Variants in FAT1 observed in about 807,000 individuals in gnomAD.
FAT1 encodes FAT atypical cadherin 1.
In FAT1, 171 loss-of-function variants were observed where a neutral mutation model predicts 329.8. That is an observed-to-expected ratio of 0.52 (90% confidence interval 0.46 to 0.59). FAT1 has a LOEUF of 0.59. FAT1 is among the 20% of genes least tolerant of loss of function. The probability of loss-of-function intolerance (pLI) is 0.00; values close to 1 mark genes in which losing one functional copy is unlikely to be tolerated. For synonymous variants in FAT1, 2,233 were observed against 2,228.6 expected (o/e 1.00, Z -0.06); for missense variants, 5,672 against 5,774.4 (o/e 0.98, Z 0.57).
At position 186,588,946 on chromosome 4, in the gene FAT1, C is replaced by G. The variant is rs534337020; in HGVS notation, c.13413G>C (p.Ala4471=). 16 of 1,613,942 alleles carry G rather than the reference C, an allele frequency of 9.9e-6. No individual in the cohort carries two copies. The highest frequency in any genetic ancestry group is 1.3e-5 in the Non-Finnish European group (15 of 1,179,878). Residue 4471 remains alanine, a synonymous_variant, in exon 27 of 27, where the codon GCG becomes GCC. Transcript: ENST00000441802. ...SIHPPRDMPA[A]GSLGSSSRNR... ...TTCTTGATGAAGAACCCAAGCTACC[C>G]GCGGCAGGCATGTCTCTAGGAGGGT... is the stretch of plus-strand genomic sequence containing the variant.
rs1453962568 is a variant in FAT1, at chr4:186,600,030, T to C, written c.11971A>G (p.Ser3991Gly). 6.2e-7 allele frequency: 1 copy of C among 1,613,900 alleles called. No homozygotes were observed. The highest frequency in any genetic ancestry group is 1.7e-5 in the Admixed American group (1 of 60,008). Reference sequence around the variant, plus strand: ...ATGTGTGCATAGCTTCTGGGTTTGCTGTTTAAAGGGAGCTCCTGCCCATTC... The same window carrying C: ...ATGTGTGCATAGCTTCTGGGTTTGCCGTTTAAAGGGAGCTCCTGCCCATTC... The part of the protein sequence containing the change: ...YLNGQELPLN[S>G]KPRSYAHIEE... The change falls in exon 22 of 27, where the codon AGC (serine) becomes GGC (glycine). Residue 3991 changes from serine (S) to glycine (G), a missense_variant. Physicochemically the swap from Ser to Gly is moderately conservative, Grantham distance 56. This residue lies in a region of FAT1 where 1,706 missense variants were observed against 1,859.1 expected (regional missense o/e 0.92). Transcript: ENST00000441802.
In FAT1 at chr4:186,660,704, TCTTTA is replaced by T. The variant is rs1451921701; in HGVS notation, c.3580+2590_3580+2594del. On this transcript the variant is annotated intron_variant, in intron 3 of 26. Transcript: ENST00000441802. ...CACAGACATCTCTGCAAACACCTTT[TCTTTA>T]GAGTTGTCAGAATAGAGAGATTTAA... Among the ~76,000 whole-genome samples, 5 of 152,198 alleles carry T rather than the reference TCTTTA, an allele frequency of 3.3e-5. No individual in the cohort carries two copies. In the East Asian group the frequency reaches 9.6e-4, roughly 29 times the overall value.
At chr4:186,662,926 C>T (rs980928291) in intron 3 of FAT1, among the ~76,000 whole-genome samples, 1 of 151,934 alleles carries the variant, frequency 6.6e-6, no homozygotes, top group Non-Finnish European at 1.5e-5. Flanking sequence ...AAGCTCCGCC[C>T]CCCGGGTTCA....
chr4:186,597,753 C>T lies in FAT1; in HGVS notation c.12297G>A (p.Lys4099=), dbSNP rs2126399667. Residue 4099 remains lysine (K), a synonymous_variant, in exon 24 of 27, where the codon AAG becomes AAA. Coordinates refer to ENST00000441802, the MANE Select transcript of FAT1 (RefSeq NM_005245.4). The part of the protein sequence containing the change: ...LSPYCKDEPC[K]NGGTCFDSLD... ...AACTGTCAAAGCATGTTCCGCCATT[C>T]TTACAGGGTTCATCTTTGCAGTATG... 1 of 1,613,908 alleles carries T rather than the reference C, an allele frequency of 6.2e-7. No individual in the cohort carries two copies. The highest frequency in any genetic ancestry group is 1.3e-5 in the African/African-American group (1 of 75,036).
chr4:186,640,484 TCTATAA>T (rs1394835989), intron 3 of FAT1, among the ~76,000 whole-genome samples: 7 of 152,204 alleles, frequency 4.6e-5, no homozygotes, highest in South Asian at 2.1e-4. Context: ...AGAAATGACT[TCTATAA>T]CTATATTAAT....
chr4:186,645,422 T>TATCTATCTCTAA (rs1420963668), intron 3 of FAT1, among the ~76,000 whole-genome samples: 2 of 58,000 alleles, frequency 3.4e-5, no homozygotes, highest in African/African-American at 1.5e-4. Context: ...TATATATATA[T>TATCTATCTCTAA]GCCTGTAAAA....
At position 186,694,113 on chromosome 4, in the gene FAT1, C is replaced by T. The variant is rs527949129; in HGVS notation, c.3265+12450G>A. ...CCATCTTCCTATTTCTCACAACACT[C>T]AACCTCTCCCAGACTCAACCTGCCT... On this transcript the variant is annotated intron_variant, in intron 2 of 26. Transcript: ENST00000441802. Among the ~76,000 whole-genome samples, 4 of 152,282 alleles carry T rather than the reference C, an allele frequency of 2.6e-5. No individual in the cohort carries two copies. In the East Asian group the frequency reaches 7.7e-4, roughly 29 times the overall value.
In FAT1 at chr4:186,613,198, A is replaced by G; in HGVS notation, c.9374T>C (p.Phe3125Ser). The stretch of plus-strand genomic sequence containing the variant: ...GGTGATGGCATAAGGATCGGCAGAG[A>G]ATTCGGGGGCGTTATCGTTCACATC... ...LEDVNDNAPEFSADPYAITVF... is the reference protein window; with the variant it reads ...LEDVNDNAPESSADPYAITVF... The change falls in exon 13 of 27, where the codon TTC (phenylalanine) becomes TCC (serine). Residue 3125 changes from phenylalanine to serine, a missense_variant. Phe to Ser is a radical substitution (Grantham distance 155). Coordinates refer to ENST00000441802, the MANE Select transcript of FAT1 (RefSeq NM_005245.4). 6.2e-7 allele frequency: 1 copy of G among 1,613,798 alleles called. No individual in the cohort carries two copies.
At chr4:186,697,481 T>C (rs529908753) in intron 2 of FAT1, among the ~76,000 whole-genome samples, 1 of 152,278 alleles carries the variant, frequency 6.6e-6, no homozygotes, top group Non-Finnish European at 1.5e-5. Flanking sequence ...TATGCCTCAA[T>C]GGGGAGACAG....
In FAT1 at chr4:186,670,528, A is replaced by G. The variant is rs547912333; in HGVS notation, c.3266-6915T>C. On this transcript the variant is annotated intron_variant, in intron 2 of 26. Transcript: ENST00000441802. ...ATACCATCAACACACTAGAGAGCCA[A>G]TATCTCTGTTGCTGCAATTAATCTA... 3.5e-4 allele frequency among the ~76,000 whole-genome samples: 53 copies of G among 152,228 alleles called. 1 individual carries two copies. Among genetic ancestry groups the G allele is most frequent in the Non-Finnish European group, 5.6e-4 (38 of 68,046 alleles).
At chr4:186,670,875 T>C (rs1197744948) in intron 2 of FAT1, among the ~76,000 whole-genome samples, 2 of 152,252 alleles carry the variant, frequency 1.3e-5, no homozygotes, top group East Asian at 3.9e-4. Flanking sequence ...AGAAGGCACC[T>C]TAGGTAAGAA....
rs576526849 is a variant in FAT1, at chr4:186,672,596, G to A, written c.3266-8983C>T. ...ACAGCATACATGGACTCAAGATATA[G>A]CAGAGAAGAACTTCTTATACATCAG... On this transcript the variant is annotated intron_variant, in intron 2 of 26. Coordinates refer to ENST00000441802, the MANE Select transcript of FAT1 (RefSeq NM_005245.4). 1.2e-4 allele frequency among the ~76,000 whole-genome samples: 19 copies of A among 152,182 alleles called. No individual in the cohort carries two copies. In the South Asian group the frequency reaches 3.5e-3, roughly 28 times the overall value.
At chr4:186,652,547 A>T (rs1435023204) in intron 3 of FAT1, among the ~76,000 whole-genome samples, 1 of 152,224 alleles carries the variant, frequency 6.6e-6, no homozygotes, top group East Asian at 1.9e-4. Context: ...TAAAATAATA[A>T]TGAGCATGAG....
chr4:186,679,132 G>A (rs1490815045), intron 2 of FAT1, among the ~76,000 whole-genome samples: 2 of 152,136 alleles, frequency 1.3e-5, no homozygotes, highest in African/African-American at 4.8e-5. Context: ...TGTAATCCCA[G>A]CACTATGGGA....
At chr4:186,637,319 C>T (rs1034741999) in intron 4 of FAT1, among the ~76,000 whole-genome samples, 3 of 152,202 alleles carry the variant, frequency 2.0e-5, no homozygotes, top group Admixed American at 6.5e-5. Context: ...AAAAACAACA[C>T]ACTCTACATA....
Position 186,723,835 on chromosome 4 carries a change from T to C in FAT1, c.-190A>G, listed in dbSNP as rs113497726. On this transcript the variant is annotated 5_prime_UTR_variant, in exon 1 of 27. Coordinates refer to ENST00000441802, the MANE Select transcript of FAT1 (RefSeq NM_005245.4). The stretch of plus-strand genomic sequence containing the variant: ...CTCTCCCCGCGCCCGGCCGCCCAGC[T>C]CGGCGCCGGCGCCTCACGCTCCCCG... The C allele has an allele frequency of 7.3e-6, 1 of 137,756 alleles. No individual in the cohort carries two copies. Among genetic ancestry groups the C allele is most frequent in the African/African-American group, 2.8e-5 (1 of 36,114 alleles). The allele number at this position is 137,756 out of a possible 1,614,324, so 8.5% of individuals were successfully genotyped here.
chr4:186,676,450 C>A (rs1455648755), intron 2 of FAT1, among the ~76,000 whole-genome samples: 1 of 152,048 alleles, frequency 6.6e-6, no homozygotes, highest in East Asian at 1.9e-4. Flanking sequence ...AAGGGTTAAT[C>A]TGAAGCATAT....
intron 2 of FAT1, among the ~76,000 whole-genome samples, chr4:186,678,012 G>A (rs1743033380): frequency 1.3e-5 from 2 of 152,156 alleles, no homozygotes; most frequent in Admixed American, 1.3e-4. Flanking sequence ...TTCTCTGAGA[G>A]CAAAGTTGTT....
chr4:186,616,150 G>A (rs1579324120), intron 11 of FAT1, among the ~76,000 whole-genome samples: 1 of 151,988 alleles, frequency 6.6e-6, no homozygotes, highest in Non-Finnish European at 1.5e-5. Flanking sequence ...ACTCCTCCCT[G>A]TCTAAATAAT....
Sources: allele counts gnomAD v4.1 joint callset (sites outside exome capture counted in the v4.1 genomes callset), GRCh38; gene constraint gnomAD v4.1.1; regional missense constraint gnomAD v4.1.1; transcripts MANE v1.5; gene names NCBI Gene and HGNC (gene_info 2026-07-23, HGNC 2026-07-21).